Variants in SSH2 observed in about 807,000 individuals in gnomAD.
SSH2 encodes slingshot protein phosphatase 2, also known as protein phosphatase Slingshot homolog 2.
In SSH2, 37 loss-of-function variants were observed where a neutral mutation model predicts 135.2. The observed-to-expected ratio is 0.27, with a 90% CI of 0.21 to 0.36. SSH2 has a LOEUF of 0.36. Among genes scored for constraint, SSH2 ranks in the 10% least tolerant of loss-of-function variants. SSH2 has a pLI of 1.00. For missense variants in SSH2, 1,408 were observed against 1,765.3 expected (o/e 0.80, Z 3.63); for synonymous variants, 628 against 646.2 (o/e 0.97, Z 0.43).
intron 1 of SSH2, among the ~76,000 whole-genome samples, chr17:29,884,612 A>G (rs1022052080): frequency 1.1e-4 from 17 of 152,138 alleles, no homozygotes; most frequent in Non-Finnish European, 2.1e-4. Flanking sequence ...CCGCAACTGA[A>G]CTCATCTTCC....
At chr17:29,639,920 A>G (rs1347291128) in intron 14 of SSH2, among the ~76,000 whole-genome samples, 4 of 152,100 alleles carry the variant, frequency 2.6e-5, no homozygotes, top group South Asian at 2.1e-4. Context: ...AGGATGTTCA[A>G]ACCTGCACCA....
Position 29,631,653 on chromosome 17 carries a change from A to C in SSH2, c.3541T>G (p.Ser1181Ala), listed in dbSNP as rs767214283. 6.2e-7 allele frequency: 1 copy of C among 1,614,204 alleles called. No individual in the cohort carries two copies. Among genetic ancestry groups the C allele is most frequent in the South Asian group, 1.1e-5 (1 of 91,086 alleles). Residue 1181 changes from serine (S) to alanine (A), a missense_variant, in exon 16 of 16, where the codon TCT becomes GCT. Physicochemically the swap from Ser to Ala is moderately conservative, Grantham distance 99. Coordinates refer to ENST00000540801, the MANE Select transcript of SSH2 (RefSeq NM_001282129.2). ...TCTTCCCAGCTAACCTGTTCTGCAG[A>C]GGGCTCATCTGTAGTGCTGCTCTGC... ...TEQSSTTDEP[S>A]AEQVSWEESQ...
Position 29,930,219 on chromosome 17 carries a change from G to A in SSH2, c.-219C>T, listed in dbSNP as rs1397404577. On this transcript the variant is annotated 5_prime_UTR_variant, in exon 1 of 16. Coordinates refer to ENST00000540801, the MANE Select transcript of SSH2 (RefSeq NM_001282129.2). ...GGCGGGCGGGCGGTTCCGCAGCTGC[G>A]GGGCACAATGAGCGCTCCCAGTGCG... is the stretch of plus-strand genomic sequence containing the variant. 1.8e-6 allele frequency: 1 copy of A among 556,126 alleles called. No individual in the cohort carries two copies. Among genetic ancestry groups the A allele is most frequent in the East Asian group, 3.1e-5 (1 of 32,484 alleles). The allele number at this position is 556,126 out of a possible 1,614,324, so 34.4% of individuals were successfully genotyped here.
At chr17:29,802,652 A>G (rs2042271875) in intron 2 of SSH2, among the ~76,000 whole-genome samples, 1 of 151,810 alleles carries the variant, frequency 6.6e-6, no homozygotes, top group African/African-American at 2.4e-5. Context: ...AAGAAAAAAA[A>G]AGTAAGTAAG....
chr17:29,642,129 CT>C (rs2036189249), intron 14 of SSH2, among the ~76,000 whole-genome samples: 1 of 152,028 alleles, frequency 6.6e-6, no homozygotes, highest in South Asian at 2.1e-4. Flanking sequence ...TAAGAAAATC[CT>C]TTTAAATCTC....
intron 4 of SSH2, among the ~76,000 whole-genome samples, chr17:29,696,117 G>A (rs548940567): frequency 6.1e-5 from 9 of 148,468 alleles, no homozygotes; most frequent in South Asian, 2.1e-4. Context: ...ATGGAGTCTC[G>A]CTGTCACCCA....
intron 2 of SSH2, among the ~76,000 whole-genome samples, chr17:29,817,051 C>T (rs1030574887): frequency 6.6e-6 from 1 of 152,106 alleles, no homozygotes; most frequent in African/African-American, 2.4e-5. Flanking sequence ...TACACGAATA[C>T]AAAATATTAT....
At position 29,719,842 on chromosome 17, in the gene SSH2, C is replaced by T. The variant is rs897470431; in HGVS notation, c.189-16780G>A. Reference sequence around the variant, plus strand: ...CACAGTCTCGGCTCACTGCAACCTCCGCCTCCTGGGTTCAAGTGATTCTCC... The same window carrying T: ...CACAGTCTCGGCTCACTGCAACCTCTGCCTCCTGGGTTCAAGTGATTCTCC... On this transcript the variant is annotated intron_variant, in intron 3 of 15. Transcript: ENST00000540801. 3.3e-5 allele frequency among the ~76,000 whole-genome samples: 5 copies of T among 152,128 alleles called. No individual in the cohort carries two copies. The South Asian group carries it at 6.2e-4, about 19-fold the overall frequency.
intron 1 of SSH2, among the ~76,000 whole-genome samples, chr17:29,855,054 T>C (rs914361562): frequency 2.0e-5 from 3 of 152,248 alleles, no homozygotes; most frequent in Non-Finnish European, 4.4e-5. Flanking sequence ...ATAGATTATA[T>C]GGTTTTAAGA....
At chr17:29,692,143 A>T (rs895273831) in intron 5 of SSH2, among the ~76,000 whole-genome samples, 20 of 134,638 alleles carry the variant, frequency 1.5e-4, no homozygotes, top group African/African-American at 5.0e-4. Flanking sequence ...CTGTCTCAAA[A>T]AAATAAATAA....
At chr17:29,690,232 G>A (rs1470881966) in intron 5 of SSH2, among the ~76,000 whole-genome samples, 2 of 151,270 alleles carry the variant, frequency 1.3e-5, no homozygotes, top group South Asian at 4.2e-4. Context: ...GGAGAAACCC[G>A]GTCTCTCCTA....
At chr17:29,887,496 T>C (rs1483880248) in intron 1 of SSH2, among the ~76,000 whole-genome samples, 4 of 152,144 alleles carry the variant, frequency 2.6e-5, no homozygotes, top group African/African-American at 9.7e-5. Flanking sequence ...AAGACAAGGG[T>C]CTCTGAAGTC....
chr17:29,762,661 T>C (rs2041350374), intron 3 of SSH2, among the ~76,000 whole-genome samples: 1 of 152,240 alleles, frequency 6.6e-6, no homozygotes, highest in South Asian at 2.1e-4. Context: ...TCCAATTCAC[T>C]GAGCAGTGCC....
At chr17:29,634,293 G>A (rs1380170117) in intron 15 of SSH2, among the ~76,000 whole-genome samples, 2 of 152,200 alleles carry the variant, frequency 1.3e-5, no homozygotes, top group African/African-American at 4.8e-5. Context: ...TCTATGACTA[G>A]CTCCACTAAT....
chr17:29,850,897 A>C (rs1167568730), intron 1 of SSH2, among the ~76,000 whole-genome samples: 1 of 152,172 alleles, frequency 6.6e-6, no homozygotes, highest in Non-Finnish European at 1.5e-5. Context: ...AGGCAGGAGA[A>C]TGGCGTGAAC....
rs201121779 is a variant in SSH2 at position 29,636,312 on chromosome 17, T to C, written c.1918A>G (p.Met640Val). Residue 640 changes from methionine (M) to valine (V), a missense_variant, in exon 15 of 16, where the codon ATG becomes GTG. Coordinates refer to ENST00000540801, the MANE Select transcript of SSH2 (RefSeq NM_001282129.2). The stretch of plus-strand genomic sequence containing the variant: ...TTCAGTGGAGATGTCAATTCTTCCA[T>C]AGGCAGTAGGTGGACATTCATGTCT... ...KADMNVHLLP[M>V]EELTSPLKDP... The C allele has an allele frequency of 1.3e-5, 21 of 1,614,156 alleles. No individual in the cohort carries two copies. In the East Asian group the frequency reaches 2.0e-4, roughly 15 times the overall value.
chr17:29,788,337 GA>G (rs1204815166), intron 3 of SSH2, among the ~76,000 whole-genome samples: 2 of 152,126 alleles, frequency 1.3e-5, no homozygotes, highest in African/African-American at 4.8e-5. Context: ...CTGAATAAGG[GA>G]GAAGTTCCTC....
intron 2 of SSH2, among the ~76,000 whole-genome samples, chr17:29,812,354 G>A (rs2042458765): frequency 6.6e-6 from 1 of 151,770 alleles, no homozygotes; most frequent in Admixed American, 6.6e-5. Flanking sequence ...CACAATTTTG[G>A]CTCACTGCAG....
intron 2 of SSH2, among the ~76,000 whole-genome samples, chr17:29,841,141 G>C (rs1456378720): frequency 4.1e-4 from 63 of 152,134 alleles, no homozygotes; most frequent in Admixed American, 4.1e-3. Context: ...TGGCAAAGGG[G>C]GAAATAGTAC....
Sources: gnomAD v4.1 joint callset for allele counts (sites outside exome capture counted in the v4.1 genomes callset) on GRCh38, gnomAD v4.1.1 for gene constraint, MANE v1.5 for transcripts, NCBI Gene and HGNC (gene_info 2026-07-23, HGNC 2026-07-21) for gene names.